The following CDH13 variants were observed in gnomAD, a reference collection of about 807,000 sequenced individuals.
CDH13 encodes cadherin 13.
In CDH13, 24 loss-of-function variants were observed where a neutral mutation model predicts 63.8. That is an observed-to-expected ratio of 0.38 (90% confidence interval 0.27 to 0.53). CDH13 has a LOEUF of 0.53. Ranked by LOEUF, CDH13 falls within the 20% of genes least tolerant of loss-of-function variation. CDH13 has a pLI of 0.85. For synonymous variants in CDH13, 503 were observed against 355.3 expected, an observed-to-expected ratio of 1.42 and a Z score of -4.67; for missense variants, 1,049 against 903.1, an observed-to-expected ratio of 1.16 and a Z score of -2.07.
intron 2 of CDH13, among the ~76,000 whole-genome samples, chr16:83,012,866 A>C (rs1334193404): frequency 6.6e-6 from 1 of 152,230 alleles, no homozygotes; most frequent in Admixed American, 6.5e-5. Flanking sequence ...TTTTAAATGG[A>C]AAATATCTCC....
At chr16:83,745,208 G>A (rs961254800) in intron 10 of CDH13, among the ~76,000 whole-genome samples, 1 of 152,182 alleles carries the variant, frequency 6.6e-6, no homozygotes, top group Non-Finnish European at 1.5e-5. Flanking sequence ...CCCCGAGGCT[G>A]TTTTAGGAAA....
chr16:82,765,522 T>C (rs1462046), intron 1 of CDH13, among the ~76,000 whole-genome samples: 96,982 of 152,062 alleles, frequency 0.64, 31,920 homozygotes, highest in African/African-American at 0.8. Context: ...TGAGCCTTCC[T>C]AGGGCTGGCG....
intron 2 of CDH13, among the ~76,000 whole-genome samples, chr16:82,879,799 A>G (rs999885584): frequency 3.0e-5 from 4 of 135,280 alleles, no homozygotes; most frequent in African/African-American, 8.1e-5. Context: ...TAAAATATGA[A>G]TATATATTAT....
chr16:82,639,448 G>A, intron 1 of CDH13: 1 of 1,534,682 alleles, frequency 6.5e-7, no homozygotes, highest in African/African-American at 1.4e-5. Context: ...TGACCCACCT[G>A]CAGCTTCAAC....
chr16:83,794,510 A>G (rs1253687567), intron 13 of CDH13, among the ~76,000 whole-genome samples: 1 of 152,152 alleles, frequency 6.6e-6, no homozygotes, highest in African/African-American at 2.4e-5. Context: ...CCAAGATTGT[A>G]CCACTACACT....
At chr16:83,274,539 C>T (rs896482567) in intron 5 of CDH13, among the ~76,000 whole-genome samples, 10 of 152,062 alleles carry the variant, frequency 6.6e-5, no homozygotes, top group Admixed American at 4.6e-4. Context: ...GTCTTTAGAG[C>T]TCTCTAAGTA....
chr16:83,276,601 T>G (rs2088996012), intron 5 of CDH13, among the ~76,000 whole-genome samples: 1 of 152,088 alleles, frequency 6.6e-6, no homozygotes, highest in Non-Finnish European at 1.5e-5. Flanking sequence ...CCAGGCGTGG[T>G]GGCTCGCGCC....
intron 6 of CDH13, among the ~76,000 whole-genome samples, chr16:83,382,612 C>T (rs1289213481): frequency 1.3e-5 from 2 of 152,128 alleles, no homozygotes; most frequent in African/African-American, 2.4e-5. Flanking sequence ...AAACAAAACC[C>T]AGTGCATCAA....
At chr16:83,255,001 T>A (rs1381333018) in intron 5 of CDH13, among the ~76,000 whole-genome samples, 1 of 114,614 alleles carries the variant, frequency 8.7e-6, no homozygotes, top group East Asian at 2.2e-4. Context: ...CTTTCTTTCT[T>A]TCTTTCTTTC....
intron 5 of CDH13, among the ~76,000 whole-genome samples, chr16:83,267,540 T>TA (rs2088661902): frequency 1.3e-5 from 2 of 152,122 alleles, no homozygotes; most frequent in South Asian, 4.1e-4. Flanking sequence ...AAAAGGTGAT[T>TA]AGGTCATGGG....
intron 5 of CDH13, among the ~76,000 whole-genome samples, chr16:83,338,429 C>G (rs918767): frequency 0.33 from 50,045 of 152,080 alleles, 8,431 homozygotes; most frequent in East Asian, 0.48. Context: ...TCTCTGCAGT[C>G]AATATCATAT....
chr16:83,456,498 A>T (rs1162409641), intron 6 of CDH13, among the ~76,000 whole-genome samples: 2 of 152,140 alleles, frequency 1.3e-5, no homozygotes, highest in Admixed American at 6.5e-5. Flanking sequence ...GGTTCAGGGG[A>T]GGGGACTTTT....
intron 10 of CDH13, among the ~76,000 whole-genome samples, chr16:83,692,331 C>T (rs1163394861): frequency 6.6e-6 from 1 of 152,192 alleles, no homozygotes; most frequent in Non-Finnish European, 1.5e-5. Flanking sequence ...AGGTTGCTCC[C>T]TGGACTCAAG....
chr16:82,876,879 C>A (rs561222207), intron 2 of CDH13, among the ~76,000 whole-genome samples: 2 of 152,286 alleles, frequency 1.3e-5, no homozygotes, highest in East Asian at 1.9e-4. Context: ...AGGACTTGGG[C>A]AGTGCTGAGC....
At chr16:83,369,351 C>G (rs1430791345) in intron 6 of CDH13, among the ~76,000 whole-genome samples, 1 of 152,034 alleles carries the variant, frequency 6.6e-6, no homozygotes, top group Non-Finnish European at 1.5e-5. Context: ...ATTCTTGATG[C>G]TAAAATATAA....
intron 8 of CDH13, among the ~76,000 whole-genome samples, chr16:83,647,405 C>G (rs903443792): frequency 6.6e-6 from 1 of 152,042 alleles, no homozygotes; most frequent in Admixed American, 6.5e-5. Context: ...AGGAGGCTTA[C>G]CTTTCTGTTT....
At chr16:82,844,637 G>GT (rs1567593364) in intron 1 of CDH13, 5 of 84,342 alleles carry the variant, frequency 5.9e-5, no homozygotes, top group African/African-American at 1.8e-4. Flanking sequence ...AGGTAATAAA[G>GT]TATTTTTTTT....
intron 3 of CDH13, among the ~76,000 whole-genome samples, chr16:83,118,922 T>C (rs1162057485): frequency 6.6e-6 from 1 of 152,170 alleles, no homozygotes; most frequent in Non-Finnish European, 1.5e-5. Context: ...CTTTCTTTCC[T>C]CTGACCCCTT....
intron 5 of CDH13, among the ~76,000 whole-genome samples, chr16:83,259,848 C>T (rs529038934): frequency 1.3e-5 from 2 of 152,088 alleles, no homozygotes; most frequent in Non-Finnish European, 2.9e-5. Flanking sequence ...AACCACAGCA[C>T]CCCTTCAAGT....
Sources: gnomAD v4.1 joint callset for allele counts (sites outside exome capture counted in the v4.1 genomes callset) on GRCh38, gnomAD v4.1.1 for gene constraint, MANE v1.5 for transcripts, NCBI Gene and HGNC (gene_info 2026-07-23, HGNC 2026-07-21) for gene names.